The following LHX5 variants were observed in gnomAD, a reference collection of about 807,000 sequenced individuals.
The protein encoded by LHX5 is LIM/homeobox protein Lhx5.
LHX5 carries 5 observed loss-of-function variants against 30.6 expected under a neutral mutation model. That is an observed-to-expected ratio of 0.16 (90% CI 0.09 to 0.34). The LOEUF (loss-of-function observed/expected upper bound fraction) is 0.34. Ranked by LOEUF, LHX5 falls within the 10% of genes least tolerant of loss-of-function variation. LHX5 has a pLI of 1.00. For missense variants in LHX5, 458 were observed against 570.6 expected, an observed-to-expected ratio of 0.80 and a Z score of 2.01; for synonymous variants, 266 against 252.6, an observed-to-expected ratio of 1.05 and a Z score of -0.50.
chr12:113,469,282 C>T lies in LHX5; in HGVS notation c.237G>A (p.Lys79=). The change falls in exon 2 of 5, where the codon AAG becomes AAA. Residue 79 remains lysine (K), a synonymous_variant. Transcript: ENST00000261731. Reference sequence around the variant, plus strand: ...TGAGGTGAAAGACTTTGCTCCGGGCCTTGCGCACCAGGTCGCTGGGCGAGA... The same window carrying T: ...TGAGGTGAAAGACTTTGCTCCGGGCTTTGCGCACCAGGTCGCTGGGCGAGA... ...QGISPSDLVR[K]ARSKVFHLNC... 4 of 1,614,224 alleles carry T rather than the reference C, an allele frequency of 2.5e-6. No individual in the cohort carries two copies. Among genetic ancestry groups the T allele is most frequent in the Non-Finnish European group, 2.5e-6 (3 of 1,180,042 alleles).
rs573549150 is a variant in LHX5 at position 113,465,448 on chromosome 12, G to T, written c.841+1808C>A. ...AAGCCGCAGCTGGGGCTTTGTCCGC[G>T]CTCCCACGGGGAGCCGCCGGCCCCG... On this transcript the variant is annotated intron_variant, in intron 4 of 4. Coordinates refer to ENST00000261731, the MANE Select transcript of LHX5 (RefSeq NM_022363.3). The surrounding 1 kb of genome is among the most constrained non-coding windows in gnomAD (Gnocchi z 6.7). Among the ~76,000 whole-genome samples, 2 of 152,302 alleles carry T rather than the reference G, an allele frequency of 1.3e-5. No homozygotes were observed. The highest frequency in any genetic ancestry group is 2.1e-4 in the South Asian group (1 of 4,828).
intron 2 of LHX5, 82 bp downstream of exon 2, chr12:113,469,040 G>A: frequency 9.4e-7 from 1 of 1,058,908 alleles, no homozygotes; most frequent in South Asian, 1.6e-5. Context: ...ACAGCACACC[G>A]GGGGCCAAGT....
In LHX5 at chr12:113,471,683, G is replaced by A. The variant is rs1194800042; in HGVS notation, c.-185C>T. On this transcript the variant is annotated 5_prime_UTR_variant, in exon 1 of 5. Coordinates refer to ENST00000261731, the MANE Select transcript of LHX5 (RefSeq NM_022363.3). The stretch of plus-strand genomic sequence containing the variant: ...CTGGCCTGGCGCTGGGCTGCCCGGA[G>A]TGGGGTGGTGGGGGGCGGGTGGCGT... 3.0e-5 allele frequency: 17 copies of A among 567,282 alleles called. No homozygotes were observed. In the South Asian group the frequency reaches 4.3e-4, roughly 14 times the overall value. The allele number at this position is 567,282 out of a possible 1,614,324, so 35.1% of individuals were successfully genotyped here. A position where few individuals can be genotyped will look rare whatever the true frequency, so the allele number is the denominator to read the frequency against.
rs1958202636 is a variant in LHX5 at position 113,464,831 on chromosome 12, C to T, written c.842-1274G>A. ...GGTGTAGGGACTCCGGATTGCAAAC[C>T]CATTCTGCCTCAACAAATCTGTATC... On this transcript the variant is annotated intron_variant, in intron 4 of 4. Coordinates refer to ENST00000261731, the MANE Select transcript of LHX5 (RefSeq NM_022363.3). This position sits in a 1 kb window ranked among gnomAD's most constrained non-coding sequence, Gnocchi z 6.2. 6.6e-6 allele frequency among the ~76,000 whole-genome samples: 1 copy of T among 152,016 alleles called. No individual in the cohort carries two copies. Among genetic ancestry groups the T allele is most frequent in the African/African-American group, 2.4e-5 (1 of 41,386 alleles).
chr12:113,471,474 C>A lies in LHX5; in HGVS notation c.25G>T (p.Glu9Ter). Residue 9 changes from glutamate to a stop codon, truncating the protein, a stop_gained, in exon 1 of 5, where the codon GAG (glutamate) becomes TAG (stop). Coordinates refer to ENST00000261731, the MANE Select transcript of LHX5 (RefSeq NM_022363.3). LOFTEE classifies it high-confidence loss of function. The part of the protein sequence containing the change: MMVHCAGC[E>*]RPILDRFLLN... Reference sequence around the variant, plus strand: ...AGAAAGCGGTCGAGGATGGGCCGCTCGCAACCGGCGCAGTGCACCATCATA... The same window carrying A: ...AGAAAGCGGTCGAGGATGGGCCGCTAGCAACCGGCGCAGTGCACCATCATA... The A allele has an allele frequency of 6.2e-7, 1 of 1,606,928 alleles. No homozygotes were observed. Among genetic ancestry groups the A allele is most frequent in the African/African-American group, 1.3e-5 (1 of 74,974 alleles).
chr12:113,463,620 C>G lies in LHX5; in HGVS notation c.842-63G>C. 3 of 1,450,932 alleles carry G rather than the reference C, an allele frequency of 2.1e-6. No individual in the cohort carries two copies. The highest frequency in any genetic ancestry group is 2.7e-6 in the Non-Finnish European group (3 of 1,104,498). The allele number at this position is 1,450,932 out of a possible 1,614,324, so 89.9% of individuals were successfully genotyped here. On this transcript the variant is annotated intron_variant, in intron 4 of 4. Coordinates refer to ENST00000261731, the MANE Select transcript of LHX5 (RefSeq NM_022363.3). The surrounding 1 kb of genome is among the most constrained non-coding windows in gnomAD (Gnocchi z 6.7). ...AGAGAAGGCGAAGTAGGCGGGGGACCCGGGACCCGGGGAGGGGACCCGGGC... is the reference window on the plus strand; with the variant it reads ...AGAGAAGGCGAAGTAGGCGGGGGACGCGGGACCCGGGGAGGGGACCCGGGC...
Position 113,468,348 on chromosome 12 carries a change from C to A in LHX5, c.454G>T (p.Asp152Tyr). The A allele has an allele frequency of 6.2e-7, 1 of 1,614,128 alleles. No individual in the cohort carries two copies. Among genetic ancestry groups the A allele is most frequent in the Non-Finnish European group, 8.5e-7 (1 of 1,179,964 alleles). The change falls in exon 3 of 5, where the codon GAC becomes TAC. Residue 152 changes from aspartate to tyrosine, a missense_variant. Asp to Tyr is a radical substitution (Grantham distance 160). Coordinates refer to ENST00000261731, the MANE Select transcript of LHX5 (RefSeq NM_022363.3). Reference sequence around the variant, plus strand: ...GTCGAGTTGTCCGTCTCTTTGGGGTCGTCCTGCAGTGCGTCCTGGAGGTCC... The same window carrying A: ...GTCGAGTTGTCCGTCTCTTTGGGGTAGTCCTGCAGTGCGTCCTGGAGGTCC... The part of the protein sequence containing the change: ...SPDLQDALQD[D>Y]PKETDNSTSS...
Position 113,463,231 on chromosome 12 carries a change from A to T in LHX5, c.1168T>A (p.Ser390Thr). 1 of 1,525,326 alleles carries T rather than the reference A, an allele frequency of 6.6e-7. No individual in the cohort carries two copies. The highest frequency in any genetic ancestry group is 8.8e-7 in the Non-Finnish European group (1 of 1,141,406). The allele number at this position is 1,525,326 out of a possible 1,614,324, so 94.5% of individuals were successfully genotyped here. A position where few individuals can be genotyped will look rare whatever the true frequency, so the allele number is the denominator to read the frequency against. The change falls in exon 5 of 5, where the codon TCG becomes ACG. Residue 390 changes from serine (S) to threonine (T), a missense_variant. Ser to Thr is a moderately conservative substitution (Grantham distance 58, BLOSUM62 1). This residue lies in a region of LHX5 where 255 missense variants were observed against 246.8 expected (regional missense o/e 1.03). Coordinates refer to ENST00000261731, the MANE Select transcript of LHX5 (RefSeq NM_022363.3). The surrounding 1 kb of genome is among the most constrained non-coding windows in gnomAD (Gnocchi z 6.7). The stretch of plus-strand genomic sequence containing the variant: ...TCGTTGAGCTCGGGGTTGGGATGCG[A>T]CAGGGGTCCGCTGTAGCCGCTGGTG... The part of the protein sequence containing the change: ...SGTSGYSGPL[S>T]HPNPELNEAA...
rs967398302 is a variant in LHX5 at position 113,462,334 on chromosome 12, G to A, written c.*856C>T. The stretch of plus-strand genomic sequence containing the variant: ...CTGACGGCCCAGCCTCCAGGCCCTG[G>A]GCAGGGAGGGTGGTCTGTGGGTCTG... On this transcript the variant is annotated 3_prime_UTR_variant, in exon 5 of 5. Coordinates refer to ENST00000261731, the MANE Select transcript of LHX5 (RefSeq NM_022363.3). 2 of 152,230 alleles carry A rather than the reference G, an allele frequency of 1.3e-5. No homozygotes were observed. Among genetic ancestry groups the A allele is most frequent in the Non-Finnish European group, 2.9e-5 (2 of 68,054 alleles). The allele number at this position is 152,230 out of a possible 1,614,324, so 9.4% of individuals were successfully genotyped here.
Position 113,463,335 on chromosome 12 carries a change from G to A in LHX5, c.1064C>T (p.Pro355Leu), listed in dbSNP as rs780577771. ...ISHPDTPSPE[P>L]GLPGTLHPMP... is the part of the protein sequence containing the mutation. ...GGGGTGCAGCGTGCCCGGCAGGCCT[G>A]GCTCGGGGCTCGGTGTGTCCGGGTG... Residue 355 changes from proline to leucine, a missense_variant, in exon 5 of 5, where the codon CCA (proline) becomes CTA (leucine). Transcript: ENST00000261731. This position sits in a 1 kb window ranked among gnomAD's most constrained non-coding sequence, Gnocchi z 6.7. The A allele has an allele frequency of 6.5e-7, 1 of 1,538,926 alleles. No individual in the cohort carries two copies. Among genetic ancestry groups the A allele is most frequent in the South Asian group, 1.2e-5 (1 of 83,412 alleles).
Position 113,464,920 on chromosome 12 carries a change from C to A in LHX5, c.842-1363G>T, listed in dbSNP as rs947269969. Among the ~76,000 whole-genome samples, 2 of 152,304 alleles carry A rather than the reference C, an allele frequency of 1.3e-5. No homozygotes were observed. The highest frequency in any genetic ancestry group is 4.8e-5 in the African/African-American group (2 of 41,572). ...CTTCGGGATATCCTGCCTTCCCCCA[C>A]CAGGTGGGGCCCTGAAGGACTGACG... On this transcript the variant is annotated intron_variant, in intron 4 of 4. Transcript: ENST00000261731. This position sits in a 1 kb window ranked among gnomAD's most constrained non-coding sequence, Gnocchi z 6.2.
In LHX5 at chr12:113,469,213, G is replaced by A. The variant is rs113201786; in HGVS notation, c.306C>T (p.Gly102=). The change falls in exon 2 of 5, where the codon GGC becomes GGT. Residue 102 remains glycine (G), a synonymous_variant. Transcript: ENST00000261731. ...CMVCNKQLST[G]EELYVIDENK... ...TCTCGTCGATGACGTAGAGCTCCTC[G>A]CCGGTGGACAGCTGCTTGTTACACA... The A allele has an allele frequency of 2.6e-5, 42 of 1,614,244 alleles. No individual in the cohort carries two copies. The highest frequency in any genetic ancestry group is 2.0e-4 in the African/African-American group (15 of 75,068).
rs571551139 is a variant in LHX5 at position 113,467,720 on chromosome 12, G to T, written c.676-299C>A. Among the ~76,000 whole-genome samples the T allele has an allele frequency of 1.3e-5, 2 of 152,304 alleles. No individual in the cohort carries two copies. The highest frequency in any genetic ancestry group is 4.1e-4 in the South Asian group (2 of 4,830). On this transcript the variant is annotated intron_variant, in intron 3 of 4. Transcript: ENST00000261731. This position sits in a 1 kb window ranked among gnomAD's most constrained non-coding sequence, Gnocchi z 6.3. The stretch of plus-strand genomic sequence containing the variant: ...AGGCCTCCCTCCCGGCACGGCTCTC[G>T]CCTCGGCCCCTCGGCTCCGGAGCCA...
At chr12:113,469,071 C>A (rs1361613688) in intron 2 of LHX5, 51 bp downstream of exon 2, 2 of 1,399,028 alleles carry the variant, frequency 1.4e-6, no homozygotes, top group East Asian at 2.4e-5. Context: ...AGGCTGGGCA[C>A]GGTGGGAGGG....
chr12:113,468,808 A>G (rs1958229644), intron 2 of LHX5, among the ~76,000 whole-genome samples: 1 of 152,184 alleles, frequency 6.6e-6, no homozygotes, highest in South Asian at 2.1e-4. Context: ...TCAAGAAATT[A>G]CCTGGAGCTC....
intron 1 of LHX5, among the ~76,000 whole-genome samples, chr12:113,470,603 G>T (rs1297095345): frequency 6.6e-6 from 1 of 152,210 alleles, no homozygotes; most frequent in Non-Finnish European, 1.5e-5. Flanking sequence ...GAGGAAACAG[G>T]TAGGGCTCAG....
In LHX5 at chr12:113,465,156, C is replaced by T. The variant is rs117758912; in HGVS notation, c.842-1599G>A. Among the ~76,000 whole-genome samples the T allele has an allele frequency of 2.6e-5, 4 of 152,350 alleles. No homozygotes were observed. The highest frequency in any genetic ancestry group is 4.4e-5 in the Non-Finnish European group (3 of 68,026). ...TGTCCAAATGGGGGGTGTCTGGAGG[C>T]GTGGCTTGGAGGCAGTTTAAGCAAC... On this transcript the variant is annotated intron_variant, in intron 4 of 4. Coordinates refer to ENST00000261731, the MANE Select transcript of LHX5 (RefSeq NM_022363.3). This position sits in a 1 kb window ranked among gnomAD's most constrained non-coding sequence, Gnocchi z 6.7.
intron 1 of LHX5, among the ~76,000 whole-genome samples, chr12:113,470,576 C>G (rs957713382): frequency 6.6e-6 from 1 of 152,206 alleles, no homozygotes; most frequent in Non-Finnish European, 1.5e-5. Context: ...GTTCACAAAG[C>G]CGGCTCTGGG....
Position 113,467,273 on chromosome 12 carries a change from G to C in LHX5, c.824C>G (p.Pro275Arg), listed in dbSNP as rs1047838650. ...CCCCTTACCTCCGTAGTAGGTGTAC[G>C]GGGTGGACCCCAACATCTCAGACTC... is the stretch of plus-strand genomic sequence containing the variant. ...LDESEMLGST[P>R]YTYYGDYQGD... is the part of the protein sequence containing the mutation. Residue 275 changes from proline to arginine, a missense_variant, in exon 4 of 5, where the codon CCG (proline) becomes CGG (arginine). This residue lies in a region of LHX5 where 255 missense variants were observed against 246.8 expected (regional missense o/e 1.03). Transcript: ENST00000261731. This position sits in a 1 kb window ranked among gnomAD's most constrained non-coding sequence, Gnocchi z 6.3. 2.7e-6 allele frequency: 4 copies of C among 1,500,154 alleles called. No homozygotes were observed. The highest frequency in any genetic ancestry group is 5.1e-5 in the East Asian group (2 of 39,308). 92.9% of individuals were successfully genotyped at this position (1,500,154 alleles called of 1,614,324 possible).
Sources: allele counts gnomAD v4.1 joint callset (sites outside exome capture counted in the v4.1 genomes callset), GRCh38; gene constraint gnomAD v4.1.1; regional missense constraint gnomAD v4.1.1; non-coding constraint Gnocchi (gnomAD v3.1); transcripts MANE v1.5; gene names NCBI Gene and HGNC (gene_info 2026-07-23, HGNC 2026-07-21).